Variants in IQCM observed in about 807,000 individuals in gnomAD.
IQCM encodes the protein IQ motif containing M, also known as IQ domain-containing protein M.
In IQCM, 45 loss-of-function variants were observed where a neutral mutation model predicts 57.6. That is an observed-to-expected ratio of 0.78 (90% confidence interval 0.62 to 1.00). The LOEUF is 1.00. IQCM is among the 50% of genes least tolerant of loss of function. The probability of loss-of-function intolerance (pLI) is 0.00; values close to 1 mark genes in which losing one functional copy is unlikely to be tolerated. For synonymous variants in IQCM, 148 were observed against 158.9 expected, an observed-to-expected ratio of 0.93 and a Z score of 0.51; for missense variants, 468 against 511.6, an observed-to-expected ratio of 0.91 and a Z score of 0.82.
At chr4:149,583,183 T>C (rs1752363777) in intron 9 of IQCM, among the ~76,000 whole-genome samples, 1 of 151,620 alleles carries the variant, frequency 6.6e-6, no homozygotes, top group Non-Finnish European at 1.5e-5. Flanking sequence ...AATACAACTA[T>C]TCTTCATCTA....
chr4:149,389,922 G>A (rs1033818127), intron 13 of IQCM, among the ~76,000 whole-genome samples: 5 of 151,680 alleles, frequency 3.3e-5, no homozygotes, highest in African/African-American at 4.8e-5. Flanking sequence ...TTTCAACTTC[G>A]TTCTTCTTTT....
intron 9 of IQCM, among the ~76,000 whole-genome samples, chr4:149,573,396 T>C (rs1751348032): frequency 6.6e-6 from 1 of 151,850 alleles, no homozygotes; most frequent in Non-Finnish European, 1.5e-5. Context: ...TTTCATTGAC[T>C]CCTTCAGTAA....
chr4:149,385,332 G>A (rs976334456), intron 13 of IQCM, among the ~76,000 whole-genome samples: 1 of 152,028 alleles, frequency 6.6e-6, no homozygotes, highest in African/African-American at 2.4e-5. Context: ...ACAAGGAAGA[G>A]GTTATAGACA....
rs140645303 is a variant in IQCM, at chr4:149,527,676, T to C, written c.1228+20779A>G. 9.7e-4 allele frequency among the ~76,000 whole-genome samples: 148 copies of C among 152,326 alleles called. 2 individuals are homozygous for C. The East Asian group carries it at 0.023, about 23-fold the overall frequency. Reference sequence around the variant, plus strand: ...TTATTCTAATTTACACAGGAGTTAATAAGGTTCCAAAAGAGAAACTTGCCC... The same window carrying C: ...TTATTCTAATTTACACAGGAGTTAACAAGGTTCCAAAAGAGAAACTTGCCC... On this transcript the variant is annotated intron_variant, in intron 12 of 13. Transcript: ENST00000636793.
At chr4:149,689,173 T>A (rs1328768395) in intron 5 of IQCM, among the ~76,000 whole-genome samples, 1 of 151,994 alleles carries the variant, frequency 6.6e-6, no homozygotes, top group Non-Finnish European at 1.5e-5. Context: ...TGCCCATCAG[T>A]GATAGACTGG....
rs147421689 is a variant in IQCM at position 149,766,790 on chromosome 4, C to T, written c.-48-24051G>A. ...ATCTTAGTATAGAAAAGAGGGTTGA[C>T]GAAAATAGAAAATTTGGTGGATTCC... is the stretch of plus-strand genomic sequence containing the variant. On this transcript the variant is annotated intron_variant, in intron 2 of 13. Coordinates refer to ENST00000636793, the MANE Select transcript of IQCM (RefSeq NM_001363507.2). 3.3e-3 allele frequency among the ~76,000 whole-genome samples: 497 copies of T among 152,086 alleles called. 1 individual carries two copies. Among genetic ancestry groups the T allele is most frequent in the African/African-American group, 0.011 (465 of 41,518 alleles).
At chr4:149,370,019 C>A (rs1730253442) in intron 13 of IQCM, among the ~76,000 whole-genome samples, 1 of 152,096 alleles carries the variant, frequency 6.6e-6, no homozygotes, top group South Asian at 2.1e-4. Context: ...CTTTAGCCTC[C>A]CAGGTAGCTG....
At chr4:149,710,373 C>A (rs1764471623) in intron 5 of IQCM, among the ~76,000 whole-genome samples, 1 of 152,102 alleles carries the variant, frequency 6.6e-6, no homozygotes, top group African/African-American at 2.4e-5. Flanking sequence ...TCTAACTATT[C>A]ACAGAACAAT....
chr4:149,805,996 G>A (rs919286192), intron 2 of IQCM, among the ~76,000 whole-genome samples: 1 of 151,788 alleles, frequency 6.6e-6, no homozygotes, highest in Non-Finnish European at 1.5e-5. Flanking sequence ...ATAAAGCTTG[G>A]AGAAATATAA....
At chr4:149,744,687 A>G (rs761001047) in intron 2 of IQCM, among the ~76,000 whole-genome samples, 25 of 152,094 alleles carry the variant, frequency 1.6e-4, no homozygotes, top group Non-Finnish European at 2.9e-4. Context: ...ACAATGACAC[A>G]AAATATCAGC....
chr4:149,403,780 A>C (rs1732786621), intron 13 of IQCM, among the ~76,000 whole-genome samples: 1 of 152,000 alleles, frequency 6.6e-6, no homozygotes, highest in Non-Finnish European at 1.5e-5. Context: ...TAATGTCCCT[A>C]TGTGTGCAAA....
chr4:149,354,027 C>T (rs968463441), intron 13 of IQCM, among the ~76,000 whole-genome samples: 1 of 152,280 alleles, frequency 6.6e-6, no homozygotes, highest in Admixed American at 6.5e-5. Context: ...CCCATTACAT[C>T]ATGTTGCTTA....
chr4:149,565,694 A>G (rs995391852), intron 9 of IQCM, among the ~76,000 whole-genome samples: 2 of 152,104 alleles, frequency 1.3e-5, no homozygotes, highest in Non-Finnish European at 2.9e-5. Context: ...AACCAGTGAG[A>G]TTTGTTGAAG....
intron 10 of IQCM, among the ~76,000 whole-genome samples, chr4:149,558,349 A>G (rs2149922550): frequency 6.6e-6 from 1 of 152,280 alleles, no homozygotes; most frequent in African/African-American, 2.4e-5. Context: ...TCAAATTTCA[A>G]ATCCCTCCTG....
At chr4:149,604,497 TA>T (rs1554006166) in intron 8 of IQCM, among the ~76,000 whole-genome samples, 5 of 151,954 alleles carry the variant, frequency 3.3e-5, no homozygotes, top group East Asian at 1.9e-4. Context: ...CCTGATCATT[TA>T]AAAAAAATAC....
intron 13 of IQCM, among the ~76,000 whole-genome samples, chr4:149,360,846 GAA>G (rs751238145): frequency 2.6e-4 from 40 of 152,260 alleles, no homozygotes; most frequent in Middle Eastern, 3.4e-3. Context: ...GGGCATTGTT[GAA>G]AAGATACCCG....
intron 6 of IQCM, among the ~76,000 whole-genome samples, chr4:149,684,625 T>C (rs1426862652): frequency 6.6e-6 from 1 of 151,422 alleles, no homozygotes; most frequent in East Asian, 1.9e-4. Context: ...TTCTTCTGCT[T>C]ATATTCTCAT....
chr4:149,515,663 C>A (rs1437737828), intron 12 of IQCM, among the ~76,000 whole-genome samples: 1 of 152,160 alleles, frequency 6.6e-6, no homozygotes, highest in Non-Finnish European at 1.5e-5. Flanking sequence ...GGGAAATCTT[C>A]CGATTGGAGA....
chr4:149,779,420 G>A (rs1295928119), intron 2 of IQCM, among the ~76,000 whole-genome samples: 1 of 152,060 alleles, frequency 6.6e-6, no homozygotes, highest in East Asian at 1.9e-4. Flanking sequence ...TAGACAAATA[G>A]GTCAATAAAA....
Sources: allele counts gnomAD v4.1 joint callset (sites outside exome capture counted in the v4.1 genomes callset), GRCh38; gene constraint gnomAD v4.1.1; transcripts MANE v1.5; gene names NCBI Gene and HGNC (gene_info 2026-07-23, HGNC 2026-07-21).